Variants in TCTN2 observed in about 807,000 individuals in gnomAD.
The protein encoded by TCTN2 is tectonic family member 2.
A neutral mutation model predicts 83.4 loss-of-function variants in TCTN2; 66 were observed. The ratio of observed to expected loss-of-function variants is 0.79; its 90% CI spans 0.65 to 0.97. The LOEUF is 0.97. Ranked by LOEUF, TCTN2 falls within the 50% of genes least tolerant of loss-of-function variation. TCTN2 has a pLI of 0.00. For synonymous variants in TCTN2, 301 were observed against 326.7 expected (o/e 0.92, Z 0.85); for missense variants, 794 against 858.1 (o/e 0.93, Z 0.93).
intron 15 of TCTN2, 134 bp from the exon 16 acceptor site, chr12:123,706,592 A>C: frequency 7.4e-7 from 1 of 1,349,132 alleles, no homozygotes; most frequent in Admixed American, 1.8e-5. Flanking sequence ...ATACTGAGAA[A>C]AAACAGCCCA....
chr12:123,676,583 A>T lies in TCTN2; in HGVS notation c.464-2606A>T, dbSNP rs565740645. ...ACTCCATCTAAAAAAAAAAAAAAAAAAAAAAAAAGGAAAATATGCTTCAGT... is the reference window on the plus strand; with the variant it reads ...ACTCCATCTAAAAAAAAAAAAAAAATAAAAAAAAGGAAAATATGCTTCAGT... On this transcript the variant is annotated intron_variant, in intron 4 of 17. Coordinates refer to ENST00000303372, the MANE Select transcript of TCTN2 (RefSeq NM_024809.5). Among the ~76,000 whole-genome samples the T allele has an allele frequency of 1.2e-3, 174 of 151,260 alleles. 1 individual carries two copies. The highest frequency in any genetic ancestry group is 3.4e-3 in the Middle Eastern group (1 of 292).
In TCTN2 at chr12:123,696,174, A is replaced by ATT. The variant is rs11337232; in HGVS notation, c.1313-230_1313-229dup. On this transcript the variant is annotated intron_variant, in intron 11 of 17. Coordinates refer to ENST00000303372, the MANE Select transcript of TCTN2 (RefSeq NM_024809.5). Reference sequence around the variant, plus strand: ...GGTATTCTTTTTGTGATAACAATGTATTTTTTTTTTTTACATAGTCTGTTG... The same window carrying ATT: ...GGTATTCTTTTTGTGATAACAATGTATTTTTTTTTTTTTTACATAGTCTGTTG... The ATT allele has an allele frequency of 4.0e-3, 1,768 of 438,100 alleles. 28 individuals carry two copies. The highest frequency in any genetic ancestry group is 0.031 in the African/African-American group (1,534 of 49,066). 27.1% of individuals were successfully genotyped at this position (438,100 alleles called of 1,614,324 possible).
intron 14 of TCTN2, chr12:123,700,046 C>T (rs183355280): frequency 2.6e-4 from 149 of 578,400 alleles, no homozygotes; most frequent in African/African-American, 2.1e-3. Context: ...GGGTTTCATT[C>T]TGTCACCCAG....
At chr12:123,677,320 G>A (rs1479753854) in intron 4 of TCTN2, among the ~76,000 whole-genome samples, 3 of 152,190 alleles carry the variant, frequency 2.0e-5, no homozygotes, top group African/African-American at 7.2e-5. Flanking sequence ...TTGACCTTCT[G>A]CTATGTTACA....
chr12:123,686,922 G>GCTCTGCTC lies in TCTN2; in HGVS notation c.652_659dup (p.Ala221SerfsTer69), dbSNP rs915737037. 3 of 1,614,074 alleles carry GCTCTGCTC rather than the reference G, an allele frequency of 1.9e-6. No homozygotes were observed. The African/African-American group carries it at 4.0e-5, about 22-fold the overall frequency. On this transcript the variant is annotated frameshift_variant, in exon 6 of 18. Coordinates refer to ENST00000303372, the MANE Select transcript of TCTN2 (RefSeq NM_024809.5). LOFTEE classifies it high-confidence loss of function. ...GAGACGTCAATCCTCCTTTTGATCA[G>GCTCTGCTC]CTCTGCTCTGCTGGGACGACGACAC...
chr12:123,688,213 CTTTT>C (rs58689399), intron 7 of TCTN2, 36 bp downstream of exon 7: 1,013 of 1,341,980 alleles, frequency 7.5e-4, no homozygotes, highest in East Asian at 2.8e-3. Context: ...AGACCGTTCT[CTTTT>C]TTTTTTTTTT....
At chr12:123,672,006 C>T in intron 2 of TCTN2, 50 bp from the exon 3 acceptor site, 2 of 1,509,066 alleles carry the variant, frequency 1.3e-6, no homozygotes, top group South Asian at 1.1e-5. Context: ...CAATGCACCC[C>T]CTGAGCTGCT....
chr12:123,689,791 T>C (rs948680742), intron 7 of TCTN2, among the ~76,000 whole-genome samples: 1 of 152,138 alleles, frequency 6.6e-6, no homozygotes, highest in Non-Finnish European at 1.5e-5. Flanking sequence ...CATTTGTATA[T>C]CTATATATGA....
Position 123,698,341 on chromosome 12 carries a change from C to T in TCTN2, c.1505+1143C>T, listed in dbSNP as rs186465470. Among the ~76,000 whole-genome samples the T allele has an allele frequency of 1.6e-3, 247 of 151,542 alleles. 2 individuals carry two copies. Among genetic ancestry groups the T allele is most frequent in the Non-Finnish European group, 3.2e-3 (216 of 67,912 alleles). ...ACAGGTGTGAGCCACTGTGCCCAGC[C>T]TTGTTTTTTGTTTTTTTGTTTTTGT... is the stretch of plus-strand genomic sequence containing the variant. On this transcript the variant is annotated intron_variant, in intron 13 of 17. Transcript: ENST00000303372.
rs756940400 is a variant in TCTN2, at chr12:123,707,606, G to C, written c.1987G>C (p.Glu663Gln). Reference sequence around the variant, plus strand: ...GAATTTTGTCCATTGTTTTTCAGGGGAGCTGCATTCTCAGTGTGTTGCTAA... The same window carrying C: ...GAATTTTGTCCATTGTTTTTCAGGGCAGCTGCATTCTCAGTGTGTTGCTAA... Reference protein sequence around the residue: ...LYPWTQYYQGELHSQCVAKGL... With the variant: ...LYPWTQYYQGQLHSQCVAKGL... The change falls in exon 18 of 18, where the codon GAG becomes CAG. Residue 663 changes from glutamate (E) to glutamine (Q), a missense_variant and splice_region_variant. Glu to Gln is a conservative substitution (Grantham distance 29). Transcript: ENST00000303372. The C allele has an allele frequency of 1.2e-5, 20 of 1,613,984 alleles. No individual in the cohort carries two copies. Among genetic ancestry groups the C allele is most frequent in the Non-Finnish European group, 1.7e-5 (20 of 1,179,872 alleles).
At chr12:123,679,104 C>G in intron 4 of TCTN2, 85 bp from the exon 5 acceptor site, 4 of 1,308,266 alleles carry the variant, frequency 3.1e-6, no homozygotes, top group Non-Finnish European at 4.4e-6. Flanking sequence ...GCCGATAATT[C>G]AGCTTTCTTT....
At chr12:123,703,783 C>T (rs1280788636) in intron 14 of TCTN2, among the ~76,000 whole-genome samples, 1 of 152,164 alleles carries the variant, frequency 6.6e-6, no homozygotes, top group African/African-American at 2.4e-5. Flanking sequence ...AGCCACTGTG[C>T]CTGGCCTAAA....
intron 5 of TCTN2, among the ~76,000 whole-genome samples, chr12:123,684,439 C>T (rs1387838162): frequency 3.4e-5 from 5 of 147,892 alleles, no homozygotes; most frequent in African/African-American, 5.0e-5. Flanking sequence ...CTTGATCCGT[C>T]GCCCAGGCTG....
intron 17 of TCTN2, 50 bp downstream of exon 17, chr12:123,707,123 A>G (rs1956240105): frequency 6.7e-7 from 1 of 1,501,426 alleles, no homozygotes; most frequent in Non-Finnish European, 9.2e-7. Context: ...CAATTTAAAA[A>G]AATTTTTTAA....
In TCTN2 at chr12:123,695,307, G is replaced by GTAC; in HGVS notation, c.1312+12_1312+13insCTA. On this transcript the variant is annotated intron_variant, in intron 11 of 17. Transcript: ENST00000303372. ...TTATCTGGAAATCCAGGTAAGATGA[G>GTAC]TATATGCCAGTCATTGATCTTACAA... 6.5e-7 allele frequency: 1 copy of GTAC among 1,534,476 alleles called. No individual in the cohort carries two copies. The highest frequency in any genetic ancestry group is 1.7e-5 in the Admixed American group (1 of 59,886).
Position 123,695,311 on chromosome 12 carries a change from A to G in TCTN2, c.1312+14A>G, listed in dbSNP as rs781653248. The G allele has an allele frequency of 1.1e-5, 16 of 1,521,516 alleles. No individual in the cohort carries two copies. The highest frequency in any genetic ancestry group is 1.5e-5 in the Non-Finnish European group (16 of 1,096,000). 94.3% of individuals were successfully genotyped at this position (1,521,516 alleles called of 1,614,324 possible). On this transcript the variant is annotated intron_variant, in intron 11 of 17. Coordinates refer to ENST00000303372, the MANE Select transcript of TCTN2 (RefSeq NM_024809.5). ...CTGGAAATCCAGGTAAGATGAGTAT[A>G]TGCCAGTCATTGATCTTACAAACAT...
In TCTN2 at chr12:123,672,055, G is replaced by T. The variant is rs1955759424; in HGVS notation, c.191-1G>T. 6.2e-7 allele frequency: 1 copy of T among 1,613,870 alleles called. No individual in the cohort carries two copies. Among genetic ancestry groups the T allele is most frequent in the African/African-American group, 1.3e-5 (1 of 74,886 alleles). On this transcript the variant is annotated splice_acceptor_variant, in intron 2 of 17. Transcript: ENST00000303372. LOFTEE classifies it high-confidence loss of function. ...TTTGCATGCTGGTCTTCTTTCTTTAGGAATATTGCCAATTCCGACGTGTGG... is the reference window on the plus strand; with the variant it reads ...TTTGCATGCTGGTCTTCTTTCTTTATGAATATTGCCAATTCCGACGTGTGG...
Position 123,697,269 on chromosome 12 carries a change from T to A in TCTN2, c.1505+71T>A. On this transcript the variant is annotated intron_variant, in intron 13 of 17. Coordinates refer to ENST00000303372, the MANE Select transcript of TCTN2 (RefSeq NM_024809.5). ...CTAGAATTAATTCACTACATGAATA[T>A]CAAAGACAGCATGAATATGAAAAAT... The A allele has an allele frequency of 5.4e-6, 6 of 1,107,232 alleles. No homozygotes were observed. In the South Asian group the frequency reaches 7.5e-5, roughly 14 times the overall value. 68.6% of individuals were successfully genotyped at this position (1,107,232 alleles called of 1,614,324 possible). A position where few individuals can be genotyped will look rare whatever the true frequency, so the allele number is the denominator to read the frequency against.
In TCTN2 at chr12:123,699,906, C is replaced by T; in HGVS notation, c.1612+96C>T. 4 of 965,190 alleles carry T rather than the reference C, an allele frequency of 4.1e-6. No individual in the cohort carries two copies. The South Asian group carries it at 5.2e-5, about 13-fold the overall frequency. 59.8% of individuals were successfully genotyped at this position (965,190 alleles called of 1,614,324 possible). ...AGAGCCCAACCCAGTAGGTCATCTT[C>T]CTGAGGCTTGACTGCGGCTTAACTG... On this transcript the variant is annotated intron_variant, in intron 14 of 17. Transcript: ENST00000303372.
Sources: allele counts gnomAD v4.1 joint callset (sites outside exome capture counted in the v4.1 genomes callset), GRCh38; gene constraint gnomAD v4.1.1; transcripts MANE v1.5; gene names NCBI Gene and HGNC (gene_info 2026-07-23, HGNC 2026-07-21).